The following PTPRM variants were observed in gnomAD, a reference collection of about 807,000 sequenced individuals.
The protein encoded by PTPRM is receptor-type tyrosine-protein phosphatase mu.
Under a neutral mutation model 186.7 loss-of-function variants are expected in PTPRM, and 47 were observed. The observed-to-expected ratio is 0.25, with a 90% CI of 0.20 to 0.32. The LOEUF is 0.32. Among genes scored for constraint, PTPRM ranks in the 10% least tolerant of loss-of-function variants. The pLI is 1.00. For missense variants in PTPRM, 1,494 were observed against 1,865.0 expected (o/e 0.80, Z 3.66); for synonymous variants, 668 against 674.9 (o/e 0.99, Z 0.16).
chr18:7,622,537 A>G (rs1183170250), intron 1 of PTPRM, among the ~76,000 whole-genome samples: 1 of 152,184 alleles, frequency 6.6e-6, no homozygotes, highest in Non-Finnish European at 1.5e-5. Context: ...ATTAGAAGGA[A>G]GGACACCCTA....
intron 2 of PTPRM, among the ~76,000 whole-genome samples, chr18:7,792,810 A>G (rs2043408298): frequency 6.6e-6 from 1 of 151,896 alleles, no homozygotes; most frequent in Non-Finnish European, 1.5e-5. Flanking sequence ...GGACTACACA[A>G]CACAACACTA....
intron 32 of PTPRM, among the ~76,000 whole-genome samples, chr18:8,402,167 G>A (rs2095875764): frequency 6.6e-6 from 1 of 152,206 alleles, no homozygotes; most frequent in African/African-American, 2.4e-5. Flanking sequence ...AATGTAATCA[G>A]TTTCCAATGT....
rs370746043 is a variant in PTPRM at position 7,842,947 on chromosome 18, T to TATATATATAG, written c.197-45158_197-45157insTATATATAGA. Among the ~76,000 whole-genome samples the TATATATATAG allele has an allele frequency of 1.7e-3, 188 of 112,104 alleles. 5 individuals are homozygous for TATATATATAG. Among genetic ancestry groups the TATATATATAG allele is most frequent in the African/African-American group, 6.0e-3 (142 of 23,780 alleles). 73.5% of individuals were successfully genotyped at this position (112,104 alleles called of 152,430 possible). The stretch of plus-strand genomic sequence containing the variant: ...GTGTGTGTGTATATATATATATATA[T>TATATATATAG]AGAGAGAGAGAGAGAGAGAGAGAGA... On this transcript the variant is annotated intron_variant, in intron 2 of 32. Coordinates refer to ENST00000580170, the MANE Select transcript of PTPRM (RefSeq NM_001105244.2).
chr18:7,882,936 A>ATAG (rs2048582483), intron 2 of PTPRM, among the ~76,000 whole-genome samples: 2 of 152,340 alleles, frequency 1.3e-5, no homozygotes, highest in South Asian at 4.1e-4. Flanking sequence ...TGATTGGCTA[A>ATAG]ATTTAATTCA....
intron 1 of PTPRM, among the ~76,000 whole-genome samples, chr18:7,767,034 G>A (rs1361083471): frequency 6.6e-6 from 1 of 152,176 alleles, no homozygotes; most frequent in African/African-American, 2.4e-5. Context: ...TTTTGCCTTA[G>A]GCAGAATCTG....
intron 14 of PTPRM, among the ~76,000 whole-genome samples, chr18:8,237,656 G>C (rs553344309): frequency 6.6e-6 from 1 of 152,000 alleles, no homozygotes. Flanking sequence ...ATGTTGGTTA[G>C]GCTGGTCTCA....
intron 1 of PTPRM, among the ~76,000 whole-genome samples, chr18:7,604,515 G>A (rs1598502801): frequency 6.6e-6 from 1 of 152,276 alleles, no homozygotes; most frequent in East Asian, 1.9e-4. Flanking sequence ...TGAGTCTGAA[G>A]TGGGCCCTGG....
intron 1 of PTPRM, among the ~76,000 whole-genome samples, chr18:7,585,181 A>C (rs918496211): frequency 1.3e-5 from 2 of 152,242 alleles, no homozygotes; most frequent in Non-Finnish European, 2.9e-5. Flanking sequence ...GGAGCTGCCC[A>C]TGAGGCCTTT....
In PTPRM at chr18:7,570,941, GTTT is replaced by G. The variant is rs11312671; in HGVS notation, c.73+3063_73+3065del. Reference sequence around the variant, plus strand: ...GATGGATTTCATTACAAAATTGTGGGTTTTTTTTTTTTTTTGGAGATAGAGTCT... The same window carrying G: ...GATGGATTTCATTACAAAATTGTGGGTTTTTTTTTTTTGGAGATAGAGTCT... On this transcript the variant is annotated intron_variant, in intron 1 of 32. Transcript: ENST00000580170. Among the ~76,000 whole-genome samples, 1,318 of 133,480 alleles carry G rather than the reference GTTT, an allele frequency of 9.9e-3. 8 individuals carry two copies. Among genetic ancestry groups the G allele is most frequent in the Middle Eastern group, 0.019 (5 of 266 alleles). 87.6% of individuals were successfully genotyped at this position (133,480 alleles called of 152,430 possible).
chr18:7,916,497 C>G (rs2050564637), intron 4 of PTPRM, among the ~76,000 whole-genome samples: 1 of 152,138 alleles, frequency 6.6e-6, no homozygotes, highest in Admixed American at 6.5e-5. Context: ...AGTCTGAGAT[C>G]AGGGTGCCAA....
intron 1 of PTPRM, among the ~76,000 whole-genome samples, chr18:7,621,949 G>T (rs2037949609): frequency 6.6e-6 from 1 of 152,126 alleles, no homozygotes; most frequent in Non-Finnish European, 1.5e-5. Context: ...TTTTTGTGTG[G>T]ACATAAGTTT....
At chr18:8,030,563 C>T (rs2085896885) in intron 7 of PTPRM, among the ~76,000 whole-genome samples, 1 of 152,220 alleles carries the variant, frequency 6.6e-6, no homozygotes, top group East Asian at 1.9e-4. Flanking sequence ...TGAAGTTCAT[C>T]TGTCTATTTT....
chr18:7,806,847 G>C (rs1175773589), intron 2 of PTPRM, among the ~76,000 whole-genome samples: 1 of 152,242 alleles, frequency 6.6e-6, no homozygotes, highest in Non-Finnish European at 1.5e-5. Context: ...AATTGTGCTA[G>C]TGATGGAAGG....
At chr18:7,573,307 C>T (rs1351784790) in intron 1 of PTPRM, among the ~76,000 whole-genome samples, 1 of 152,158 alleles carries the variant, frequency 6.6e-6, no homozygotes, top group African/African-American at 2.4e-5. Flanking sequence ...AGGTAGATCA[C>T]AGTGACATCC....
chr18:7,603,388 T>C (rs559774975), intron 1 of PTPRM, among the ~76,000 whole-genome samples: 1 of 152,358 alleles, frequency 6.6e-6, no homozygotes, highest in East Asian at 1.9e-4. Flanking sequence ...ATCTTTCTGG[T>C]AAATGTTTGA....
At chr18:7,775,765 A>T (rs1392063135) in intron 2 of PTPRM, among the ~76,000 whole-genome samples, 2 of 152,220 alleles carry the variant, frequency 1.3e-5, no homozygotes, top group Non-Finnish European at 2.9e-5. Context: ...ACTTGACTTG[A>T]AAAAATCAGC....
At chr18:7,954,141 G>A (rs553816660) in intron 6 of PTPRM, among the ~76,000 whole-genome samples, 10 of 152,248 alleles carry the variant, frequency 6.6e-5, no homozygotes, top group African/African-American at 2.2e-4. Context: ...GCCTTTCAAC[G>A]GGCATCTAAC....
At chr18:7,666,721 A>G (rs893202783) in intron 1 of PTPRM, among the ~76,000 whole-genome samples, 1 of 152,124 alleles carries the variant, frequency 6.6e-6, no homozygotes, top group Non-Finnish European at 1.5e-5. Context: ...GTTTTTATTT[A>G]TCCCCTTCAA....
At chr18:7,599,732 TAGAA>T (rs1316848323) in intron 1 of PTPRM, among the ~76,000 whole-genome samples, 5 of 152,162 alleles carry the variant, frequency 3.3e-5, no homozygotes, top group East Asian at 1.9e-4. Context: ...ACCCATGTGA[TAGAA>T]AGCCCTCTTG....
Sources: gnomAD v4.1 joint callset for allele counts (sites outside exome capture counted in the v4.1 genomes callset) on GRCh38, gnomAD v4.1.1 for gene constraint, MANE v1.5 for transcripts, NCBI Gene and HGNC (gene_info 2026-07-23, HGNC 2026-07-21) for gene names.